PSPH: variants seen among roughly 807,000 people sequenced by gnomAD.
The protein encoded by PSPH is L-3-phosphoserine phosphatase.
PSPH carries 16 observed loss-of-function variants against 23.4 expected under a neutral mutation model. That is an observed-to-expected ratio of 0.68 (90% CI 0.46 to 1.04). PSPH has a LOEUF of 1.04. PSPH is among the 50% of genes least tolerant of loss of function. PSPH has a pLI of 0.00. For synonymous variants in PSPH, 68 were observed against 99.7 expected (o/e 0.68, Z 1.89); for missense variants, 223 against 273.7 (o/e 0.81, Z 1.31).
At chr7:56,022,823 C>A (rs1305707398) in intron 3 of PSPH, among the ~76,000 whole-genome samples, 1 of 152,216 alleles carries the variant, frequency 6.6e-6, no homozygotes, top group Non-Finnish European at 1.5e-5. Context: ...CTCTGGGAGG[C>A]TGAGGCGGGA....
rs1421020795 is a variant in PSPH at position 56,040,388 on chromosome 7, CTTAT to C, written c.-291-6286_-291-6283del. Among the ~76,000 whole-genome samples, 3 of 94,312 alleles carry C rather than the reference CTTAT, an allele frequency of 3.2e-5. No homozygotes were observed. The East Asian group carries it at 9.9e-4, about 31-fold the overall frequency. 61.9% of individuals were successfully genotyped at this position (94,312 alleles called of 152,430 possible). On this transcript the variant is annotated intron_variant, in intron 1 of 7. Transcript: ENST00000275605. The stretch of plus-strand genomic sequence containing the variant: ...AAAGGAAACATTATTCATTTATTTA[CTTAT>C]TTATTTTTATTTTTTTGGGACAGGG...
chr7:56,048,140 A>G (rs765052402), intron 1 of PSPH, among the ~76,000 whole-genome samples: 9 of 151,318 alleles, frequency 5.9e-5, no homozygotes, highest in Non-Finnish European at 1.2e-4. Context: ...TTAGCCCGGC[A>G]TGGTGGTGGG....
Position 56,011,194 on chromosome 7 carries a change from A to G in PSPH, c.*568T>C, listed in dbSNP as rs2116413322. 6.5e-6 allele frequency: 1 copy of G among 152,848 alleles called. No homozygotes were observed. The highest frequency in any genetic ancestry group is 1.9e-4 in the East Asian group (1 of 5,190). 9.5% of individuals were successfully genotyped at this position (152,848 alleles called of 1,614,324 possible). ...CCACACTTAAAGCACTTTGTATGAAATATAGCTACAAATATACATAAAGAA... is the reference window on the plus strand; with the variant it reads ...CCACACTTAAAGCACTTTGTATGAAGTATAGCTACAAATATACATAAAGAA... On this transcript the variant is annotated 3_prime_UTR_variant, in exon 8 of 8. Coordinates refer to ENST00000275605, the MANE Select transcript of PSPH (RefSeq NM_004577.4).
At chr7:56,044,663 G>A (rs1376803229) in intron 1 of PSPH, among the ~76,000 whole-genome samples, 3 of 152,154 alleles carry the variant, frequency 2.0e-5, no homozygotes, top group African/African-American at 7.2e-5. Flanking sequence ...GGGAGGCTGA[G>A]GCAGGAGGAT....
Position 56,015,049 on chromosome 7 carries a change from T to A in PSPH, c.544A>T (p.Thr182Ser). 1 of 1,614,156 alleles carries A rather than the reference T, an allele frequency of 6.2e-7. No individual in the cohort carries two copies. Among genetic ancestry groups the A allele is most frequent in the Non-Finnish European group, 8.5e-7 (1 of 1,180,008 alleles). The change falls in exon 7 of 8, where the codon ACA (threonine) becomes TCA (serine). Residue 182 changes from threonine (T) to serine (S), a missense_variant. Coordinates refer to ENST00000275605, the MANE Select transcript of PSPH (RefSeq NM_004577.4). ...KKIIMIGDGATDMEACPPADA... is the reference protein window; with the variant it reads ...KKIIMIGDGASDMEACPPADA... ...GCAGGAGGACAGGCTTCCATATCTG[T>A]GGCACCATCTCCAATCATGATTATT...
At chr7:56,022,288 C>T (rs553354102) in intron 3 of PSPH, among the ~76,000 whole-genome samples, 41 of 152,072 alleles carry the variant, frequency 2.7e-4, no homozygotes, top group African/African-American at 9.6e-4. Flanking sequence ...GAGCTGAGAT[C>T]GTGCCACTGC....
chr7:56,037,185 A>C (rs1369448508), intron 1 of PSPH, among the ~76,000 whole-genome samples: 1 of 152,024 alleles, frequency 6.6e-6, no homozygotes, highest in Non-Finnish European at 1.5e-5. Context: ...AAAAAAAAAA[A>C]AAAAAGCTTC....
intron 3 of PSPH, among the ~76,000 whole-genome samples, chr7:56,028,744 C>T (rs1241354688): frequency 6.6e-6 from 1 of 152,034 alleles, no homozygotes; most frequent in Non-Finnish European, 1.5e-5. Flanking sequence ...GGCCACAGCT[C>T]CTTTTAGCTC....
intron 3 of PSPH, among the ~76,000 whole-genome samples, chr7:56,025,466 C>T (rs1263948984): frequency 6.6e-6 from 1 of 152,014 alleles, no homozygotes; most frequent in Admixed American, 6.6e-5. Context: ...CCATGTTGCC[C>T]AAGGGTGGTC....
chr7:56,027,548 A>T (rs1790375522), intron 3 of PSPH, among the ~76,000 whole-genome samples: 1 of 151,702 alleles, frequency 6.6e-6, no homozygotes, highest in Non-Finnish European at 1.5e-5. Context: ...AAAGTACAAA[A>T]ATTAGTCAGG....
chr7:56,025,748 C>T (rs1421632703), intron 3 of PSPH, among the ~76,000 whole-genome samples: 1 of 152,140 alleles, frequency 6.6e-6, no homozygotes, highest in Non-Finnish European at 1.5e-5. Context: ...CACGTGCCAC[C>T]ACATCCAGCT....
At chr7:56,021,505 A>T (rs1455014539) in intron 3 of PSPH, among the ~76,000 whole-genome samples, 2 of 150,572 alleles carry the variant, frequency 1.3e-5, no homozygotes, top group Non-Finnish European at 3.0e-5. Context: ...TGCAACCTCC[A>T]CCACTCAGGT....
In PSPH at chr7:56,018,292, C is replaced by T. The variant is rs548662054; in HGVS notation, c.276-913G>A. ...CTGGGAGGTGGAGGTTGCAGTGAGC[C>T]GAGACTGCACCACTGCACACCAGCT... On this transcript the variant is annotated intron_variant, in intron 5 of 7. Coordinates refer to ENST00000275605, the MANE Select transcript of PSPH (RefSeq NM_004577.4). Among the ~76,000 whole-genome samples the T allele has an allele frequency of 4.6e-5, 7 of 151,956 alleles. No individual in the cohort carries two copies. The East Asian group carries it at 7.9e-4, about 17-fold the overall frequency.
chr7:56,035,031 C>T (rs1456657571), intron 1 of PSPH, among the ~76,000 whole-genome samples: 1 of 152,092 alleles, frequency 6.6e-6, no homozygotes, highest in East Asian at 1.9e-4. Context: ...GATACCGCGC[C>T]CGGCCTATTT....
chr7:56,018,656 C>A (rs1241563440), intron 5 of PSPH, among the ~76,000 whole-genome samples: 1 of 151,742 alleles, frequency 6.6e-6, no homozygotes, highest in Non-Finnish European at 1.5e-5. Context: ...GCAAGACCCC[C>A]ATCTCTACAA....
At chr7:56,048,266 C>CA (rs1793513316) in intron 1 of PSPH, among the ~76,000 whole-genome samples, 1 of 141,122 alleles carries the variant, frequency 7.1e-6, no homozygotes, top group Admixed American at 7.3e-5. Flanking sequence ...GGCAAAAGAG[C>CA]AACACTCTGT....
At chr7:56,027,192 C>CA (rs943785790) in intron 3 of PSPH, among the ~76,000 whole-genome samples, 2 of 114,802 alleles carry the variant, frequency 1.7e-5, no homozygotes, top group African/African-American at 6.8e-5. Flanking sequence ...GCAACAAGAG[C>CA]AAAACTCTGT....
intron 2 of PSPH, among the ~76,000 whole-genome samples, chr7:56,032,778 C>T (rs1022931639): frequency 6.6e-6 from 1 of 151,464 alleles, no homozygotes; most frequent in African/African-American, 2.4e-5. Flanking sequence ...TAGTGAAATG[C>T]CATCTCCACA....
intron 5 of PSPH, among the ~76,000 whole-genome samples, chr7:56,018,181 T>C (rs1410671412): frequency 6.6e-6 from 1 of 151,894 alleles, no homozygotes; most frequent in Non-Finnish European, 1.5e-5. Context: ...CCATCTCTAC[T>C]AAAAATACAA....
Sources: allele counts gnomAD v4.1 joint callset (sites outside exome capture counted in the v4.1 genomes callset), GRCh38; gene constraint gnomAD v4.1.1; transcripts MANE v1.5; gene names NCBI Gene and HGNC (gene_info 2026-07-23, HGNC 2026-07-21).